TM9SF2: variants seen among roughly 807,000 people sequenced by gnomAD.
TM9SF2 encodes transmembrane 9 superfamily member 2.
A neutral mutation model predicts 84.9 loss-of-function variants in TM9SF2; 13 were observed. The ratio of observed to expected loss-of-function variants is 0.15; its 90% confidence interval spans 0.10 to 0.24. TM9SF2 has a LOEUF of 0.24. TM9SF2 is among the 10% of genes least tolerant of loss of function. The probability of loss-of-function intolerance (pLI) is 1.00; values close to 1 mark genes in which losing one functional copy is unlikely to be tolerated. For synonymous variants in TM9SF2, 273 were observed against 285.8 expected (o/e 0.96, Z 0.45); for missense variants, 562 against 818.5 (o/e 0.69, Z 3.82).
chr13:99,525,678 C>G (rs181163466), intron 3 of TM9SF2, among the ~76,000 whole-genome samples: 1 of 151,948 alleles, frequency 6.6e-6, no homozygotes, highest in African/African-American at 2.4e-5. Flanking sequence ...GCCTCAGCCT[C>G]CCAAGTAGCT....
chr13:99,562,463 T>C (rs2046348371), intron 16 of TM9SF2, among the ~76,000 whole-genome samples: 1 of 152,196 alleles, frequency 6.6e-6, no homozygotes, highest in African/African-American at 2.4e-5. Context: ...GTAGAAAGCT[T>C]AGGTAATCTT....
chr13:99,535,417 T>C (rs980663211), intron 4 of TM9SF2, among the ~76,000 whole-genome samples: 2 of 152,206 alleles, frequency 1.3e-5, no homozygotes, highest in African/African-American at 4.8e-5. Context: ...TTGAACTTCA[T>C]CTCTATCTAA....
chr13:99,510,437 A>G (rs549285466), intron 1 of TM9SF2, among the ~76,000 whole-genome samples: 4 of 152,300 alleles, frequency 2.6e-5, no homozygotes, highest in Non-Finnish European at 5.9e-5. Flanking sequence ...GGTAATTTAT[A>G]AAGAAAAGAG....
At chr13:99,561,353 AAC>A (rs2046344312) in intron 16 of TM9SF2, among the ~76,000 whole-genome samples, 2 of 152,358 alleles carry the variant, frequency 1.3e-5, no homozygotes, top group South Asian at 4.1e-4. Context: ...AAAATTAAGT[AAC>A]TAAACTTAAG....
intron 1 of TM9SF2, among the ~76,000 whole-genome samples, chr13:99,511,453 T>C (rs1341385657): frequency 1.3e-5 from 2 of 152,342 alleles, no homozygotes; most frequent in Admixed American, 6.5e-5. Flanking sequence ...CTCATTCTTA[T>C]GACACTTTTG....
intron 16 of TM9SF2, among the ~76,000 whole-genome samples, chr13:99,562,109 A>T (rs17610732): frequency 0.12 from 17,547 of 152,228 alleles, 1,142 homozygotes; most frequent in East Asian, 0.21. Flanking sequence ...CCCAAGGATG[A>T]CACACACAGT....
At chr13:99,554,139 A>G (rs1024814175) in intron 13 of TM9SF2, among the ~76,000 whole-genome samples, 165 bp from the exon 14 acceptor site, 1 of 152,338 alleles carries the variant, frequency 6.6e-6, no homozygotes, top group African/African-American at 2.4e-5. Context: ...TGGTACCTGG[A>G]TGATGGCTTC....
chr13:99,520,764 T>C (rs953466432), intron 3 of TM9SF2, among the ~76,000 whole-genome samples: 4 of 152,300 alleles, frequency 2.6e-5, no homozygotes, highest in African/African-American at 9.6e-5. Context: ...GAGATGGGGT[T>C]CCAACATATT....
At chr13:99,540,602 G>A (rs1408671) in intron 7 of TM9SF2, 112 bp from the exon 8 acceptor site, 3 of 605,122 alleles carry the variant, frequency 5.0e-6, no homozygotes, top group African/African-American at 3.9e-5. Flanking sequence ...AGATAATTTA[G>A]AAATTGCAGT....
intron 1 of TM9SF2, among the ~76,000 whole-genome samples, chr13:99,502,408 G>A (rs1174948121): frequency 6.6e-6 from 1 of 152,144 alleles, no homozygotes; most frequent in Non-Finnish European, 1.5e-5. Context: ...TGCTGTAATG[G>A]TTGAGGCACT....
intron 15 of TM9SF2, among the ~76,000 whole-genome samples, chr13:99,557,508 T>G (rs1181112024): frequency 6.6e-6 from 1 of 152,234 alleles, no homozygotes; most frequent in Admixed American, 6.5e-5. Context: ...GCACAAAAGT[T>G]TTAAATTTTG....
chr13:99,556,574 C>CTTT lies in TM9SF2; in HGVS notation c.1752+940_1752+942dup, dbSNP rs35868359. The stretch of plus-strand genomic sequence containing the variant: ...TGGCATGTATAGTAGTACTTCATTC[C>CTTT]TTTTTTTTTTTTTTTCCTTTTTTTC... On this transcript the variant is annotated intron_variant, in intron 15 of 16. Coordinates refer to ENST00000376387, the MANE Select transcript of TM9SF2 (RefSeq NM_004800.3). Among the ~76,000 whole-genome samples the CTTT allele has an allele frequency of 4.5e-3, 613 of 136,982 alleles. 4 individuals are homozygous for CTTT. Among genetic ancestry groups the CTTT allele is most frequent in the African/African-American group, 0.013 (467 of 36,970 alleles). 89.9% of individuals were successfully genotyped at this position (136,982 alleles called of 152,430 possible). A position where few individuals can be genotyped will look rare whatever the true frequency, so the allele number is the denominator to read the frequency against.
intron 3 of TM9SF2, among the ~76,000 whole-genome samples, chr13:99,521,455 A>G (rs1050045826): frequency 1.3e-5 from 2 of 152,110 alleles, no homozygotes; most frequent in Admixed American, 1.3e-4. Flanking sequence ...GACCTCATCC[A>G]TAGCCACCTT....
intron 15 of TM9SF2, 80 bp from the exon 16 acceptor site, chr13:99,559,283 T>C: frequency 8.0e-7 from 1 of 1,252,578 alleles, no homozygotes; most frequent in Non-Finnish European, 1.1e-6. Context: ...TCATTTATTA[T>C]GCTTGCTTTG....
chr13:99,508,738 G>A (rs1190082253), intron 1 of TM9SF2, among the ~76,000 whole-genome samples: 4 of 152,138 alleles, frequency 2.6e-5, no homozygotes, highest in African/African-American at 4.8e-5. Flanking sequence ...TCTGTTGAGC[G>A]AGATGCCACA....
intron 12 of TM9SF2, among the ~76,000 whole-genome samples, 163 bp from the exon 13 acceptor site, chr13:99,552,004 G>A (rs1487487723): frequency 6.6e-6 from 1 of 152,216 alleles, no homozygotes; most frequent in Non-Finnish European, 1.5e-5. Context: ...AAGAGCAATT[G>A]GGTAGTTTCT....
intron 1 of TM9SF2, among the ~76,000 whole-genome samples, chr13:99,505,694 C>T (rs1006703983): frequency 6.6e-6 from 1 of 152,168 alleles, no homozygotes; most frequent in East Asian, 1.9e-4. Flanking sequence ...ATAAAATCCA[C>T]AGTTCTAATT....
chr13:99,550,092 C>T (rs930619603), intron 12 of TM9SF2, among the ~76,000 whole-genome samples: 3 of 152,268 alleles, frequency 2.0e-5, no homozygotes, highest in Non-Finnish European at 2.9e-5. Context: ...GCAGAATCTC[C>T]GAATCTTGCT....
Position 99,562,730 on chromosome 13 carries a change from A to G in TM9SF2, c.1964A>G (p.Lys655Arg), listed in dbSNP as rs1255181388. Residue 655 changes from lysine to arginine, a missense_variant, in exon 17 of 17, where the codon AAA (lysine) becomes AGA (arginine). Around this residue, in one of 4 missense-constraint regions of TM9SF2, gnomAD observed 63 missense variants for 109.2 expected, o/e 0.58. Transcript: ENST00000376387. Reference protein sequence around the residue: ...GFFACFWFVTKIYSVVKVD With the variant: ...GFFACFWFVTRIYSVVKVD The stretch of plus-strand genomic sequence containing the variant: ...TTTGCATGCTTTTGGTTTGTTACCA[A>G]AATATACAGTGTGGTGAAGGTTGAC... The G allele has an allele frequency of 2.5e-6, 4 of 1,613,584 alleles. No homozygotes were observed. The South Asian group carries it at 3.3e-5, about 13-fold the overall frequency.
Sources: gnomAD v4.1 joint callset for allele counts (sites outside exome capture counted in the v4.1 genomes callset) on GRCh38, gnomAD v4.1.1 for gene constraint, gnomAD v4.1.1 regional missense constraint, MANE v1.5 for transcripts, NCBI Gene and HGNC (gene_info 2026-07-23, HGNC 2026-07-21) for gene names.